The following CCDC69 variants were observed in gnomAD, a reference collection of about 807,000 sequenced individuals.
CCDC69 encodes the protein coiled-coil domain-containing protein 69.
A neutral mutation model predicts 40.3 loss-of-function variants in CCDC69; 38 were observed. That is an observed-to-expected ratio of 0.94 (90% confidence interval 0.73 to 1.24). The LOEUF (loss-of-function observed/expected upper bound fraction) is 1.24, where lower values mean the gene tolerates loss of function less well. CCDC69 is among the 50% of genes most tolerant of loss of function. The pLI, the probability that CCDC69 is intolerant of heterozygous loss-of-function variation, is 0.00. For synonymous variants in CCDC69, 141 were observed against 138.9 expected, an observed-to-expected ratio of 1.02 and a Z score of -0.11; for missense variants, 389 against 357.9, an observed-to-expected ratio of 1.09 and a Z score of -0.70.
chr5:151,188,074 C>G (rs1752552632), intron 4 of CCDC69, among the ~76,000 whole-genome samples: 1 of 152,178 alleles, frequency 6.6e-6, no homozygotes, highest in African/African-American at 2.4e-5. Context: ...CGTGCAAGGG[C>G]TTCACAGACA....
chr5:151,216,435 C>CTA (rs1753043322), intron 1 of CCDC69, among the ~76,000 whole-genome samples: 1 of 115,576 alleles, frequency 8.7e-6, no homozygotes, highest in Non-Finnish European at 1.7e-5. Context: ...TTTTTTGAGA[C>CTA]TGAGTCTTGC....
rs142070600 is a variant in CCDC69 at position 151,183,556 on chromosome 5, G to A, written c.772C>T (p.Arg258Trp). Residue 258 changes from arginine to tryptophan, a missense_variant, in exon 9 of 9, where the codon CGG becomes TGG. By Grantham distance (101) the Arg-to-Trp change is moderately radical (BLOSUM62 -3). Coordinates refer to ENST00000355417, the MANE Select transcript of CCDC69 (RefSeq NM_015621.3). ...REALEKEVQL[R>W]RQLQQEKEEL... Reference sequence around the variant, plus strand: ...TCCTTCTCCTGCTGGAGCTGTCGCCGCAGCTGCACCTCCTTCTCCAGGGCC... The same window carrying A: ...TCCTTCTCCTGCTGGAGCTGTCGCCACAGCTGCACCTCCTTCTCCAGGGCC... 24 of 1,611,672 alleles carry A rather than the reference G, an allele frequency of 1.5e-5. No individual in the cohort carries two copies. Among genetic ancestry groups the A allele is most frequent in the Middle Eastern group, 3.3e-4 (2 of 6,054 alleles).
At chr5:151,222,451 G>T (rs568443141) in intron 1 of CCDC69, among the ~76,000 whole-genome samples, 72 of 152,282 alleles carry the variant, frequency 4.7e-4, no homozygotes, top group Non-Finnish European at 6.3e-4. Context: ...ATTCACCCTT[G>T]GTCCACTTTG....
At chr5:151,220,280 G>A (rs1236713320) in intron 1 of CCDC69, among the ~76,000 whole-genome samples, 1 of 152,132 alleles carries the variant, frequency 6.6e-6, no homozygotes, top group African/African-American at 2.4e-5. Flanking sequence ...GTCACATACA[G>A]TCTTTCATCT....
intron 4 of CCDC69, among the ~76,000 whole-genome samples, chr5:151,188,651 G>A (rs533069163): frequency 9.9e-5 from 15 of 151,106 alleles, no homozygotes; most frequent in African/African-American, 3.4e-4. Context: ...CTGTGGTAGA[G>A]TAGTAAAAAA....
At chr5:151,203,840 A>G (rs1200282942) in intron 2 of CCDC69, among the ~76,000 whole-genome samples, 13 of 107,946 alleles carry the variant, frequency 1.2e-4, no homozygotes, top group Non-Finnish European at 2.2e-4. Context: ...TATATAAAAT[A>G]TATATCATAT....
At chr5:151,194,235 C>A (rs1472933027) in intron 4 of CCDC69, among the ~76,000 whole-genome samples, 2 of 152,188 alleles carry the variant, frequency 1.3e-5, no homozygotes, top group Non-Finnish European at 2.9e-5. Context: ...CCTATGTCCA[C>A]ACAAAGCCTG....
intron 2 of CCDC69, among the ~76,000 whole-genome samples, chr5:151,203,672 AT>A (rs1752808483): frequency 7.2e-6 from 1 of 138,686 alleles, no homozygotes; most frequent in African/African-American, 2.7e-5. Flanking sequence ...TATATAAAAA[AT>A]AGTATATATA....
intron 4 of CCDC69, among the ~76,000 whole-genome samples, chr5:151,189,972 C>T (rs1752584041): frequency 6.6e-6 from 1 of 152,158 alleles, no homozygotes; most frequent in Admixed American, 6.5e-5. Flanking sequence ...TAACAAAAAG[C>T]CCAGAATCCC....
intron 2 of CCDC69, among the ~76,000 whole-genome samples, chr5:151,203,201 G>C (rs1752799949): frequency 6.6e-6 from 1 of 152,002 alleles, no homozygotes; most frequent in East Asian, 1.9e-4. Flanking sequence ...ACCTTATCCT[G>C]CTTGCTTGTG....
intron 1 of CCDC69, among the ~76,000 whole-genome samples, chr5:151,220,079 A>G (rs964882273): frequency 6.6e-6 from 1 of 152,180 alleles, no homozygotes; most frequent in African/African-American, 2.4e-5. Context: ...GAGGCCAGAC[A>G]CTAGCCTGCA....
At chr5:151,186,325 G>A (rs1257600018) in intron 5 of CCDC69, among the ~76,000 whole-genome samples, 2 of 142,840 alleles carry the variant, frequency 1.4e-5, no homozygotes, top group Non-Finnish European at 3.0e-5. Flanking sequence ...ATGCTGGGAA[G>A]AGAAAGAAAG....
In CCDC69 at chr5:151,182,828, C is replaced by A; in HGVS notation, c.*609G>T. 1 of 350,528 alleles carries A rather than the reference C, an allele frequency of 2.9e-6. No individual in the cohort carries two copies. The allele number at this position is 350,528 out of a possible 1,614,324, so 21.7% of individuals were successfully genotyped here. ...TGCCTGGCCCTGTCAGCCCCAAGGG[C>A]CTTCAGAGACCCCCTCTCTACCACT... is the stretch of plus-strand genomic sequence containing the variant. On this transcript the variant is annotated 3_prime_UTR_variant, in exon 9 of 9. Transcript: ENST00000355417.
chr5:151,223,657 A>T (rs1042516009), intron 1 of CCDC69, among the ~76,000 whole-genome samples: 2 of 152,134 alleles, frequency 1.3e-5, no homozygotes, highest in Non-Finnish European at 2.9e-5. Flanking sequence ...GACACACGAC[A>T]TCTCCCCACC....
At position 151,185,451 on chromosome 5, in the gene CCDC69, C is replaced by G; in HGVS notation, c.586G>C (p.Asp196His). Residue 196 changes from aspartate (D) to histidine (H), a missense_variant, in exon 7 of 9, where the codon GAC becomes CAC. Physicochemically the swap from Asp to His is moderately conservative, Grantham distance 81. Coordinates refer to ENST00000355417, the MANE Select transcript of CCDC69 (RefSeq NM_015621.3). ...EMKNERIHELDRRLILMETVK... is the reference protein window; with the variant it reads ...EMKNERIHELHRRLILMETVK... ...GTTTCCATGAGGATCAGCCGCCTGT[C>G]CAGCTCATGAATACGCTCATTCTTC... 6.2e-7 allele frequency: 1 copy of G among 1,614,080 alleles called. No homozygotes were observed. The highest frequency in any genetic ancestry group is 1.1e-5 in the South Asian group (1 of 91,078).
intron 1 of CCDC69, chr5:151,212,773 G>T (rs562612605): frequency 4.4e-6 from 2 of 456,080 alleles, no homozygotes; most frequent in African/African-American, 2.0e-5. Flanking sequence ...AATGTCATGG[G>T]TAGAAGCTGC....
At chr5:151,189,648 T>C (rs1396202020) in intron 4 of CCDC69, among the ~76,000 whole-genome samples, 3 of 151,822 alleles carry the variant, frequency 2.0e-5, no homozygotes, top group African/African-American at 7.3e-5. Flanking sequence ...AGAAGATCAC[T>C]GAACTCCAAA....
chr5:151,203,096 T>C (rs1752798856), intron 2 of CCDC69, among the ~76,000 whole-genome samples: 1 of 151,682 alleles, frequency 6.6e-6, no homozygotes, highest in Non-Finnish European at 1.5e-5. Flanking sequence ...CTCAGAGGAG[T>C]CATGCAACTT....
At chr5:151,216,405 G>GGTT (rs1561605577) in intron 1 of CCDC69, among the ~76,000 whole-genome samples, 29 of 146,844 alleles carry the variant, frequency 2.0e-4, no homozygotes, top group African/African-American at 7.2e-4. Context: ...AAATTATTAG[G>GGTT]ATTTTTTTTT....
Sources: allele counts gnomAD v4.1 joint callset (sites outside exome capture counted in the v4.1 genomes callset), GRCh38; gene constraint gnomAD v4.1.1; transcripts MANE v1.5; gene names NCBI Gene and HGNC (gene_info 2026-07-23, HGNC 2026-07-21).